ESRRB: variants seen among roughly 807,000 people sequenced by gnomAD.
ESRRB encodes the protein steroid hormone receptor ERR2.
ESRRB carries 16 observed loss-of-function variants against 46.0 expected under a neutral mutation model. That is an observed-to-expected ratio of 0.35 (90% CI 0.24 to 0.53). The LOEUF is 0.53. Among genes scored for constraint, ESRRB ranks in the 20% least tolerant of loss-of-function variants. The probability of loss-of-function intolerance (pLI) is 0.93; values close to 1 mark genes in which losing one functional copy is unlikely to be tolerated. For synonymous variants in ESRRB, 246 were observed against 259.6 expected (o/e 0.95, Z 0.50); for missense variants, 488 against 607.4 (o/e 0.80, Z 2.07).
Position 76,457,313 on chromosome 14 carries a change from G to A in ESRRB, c.461-5232G>A, listed in dbSNP as rs554490516. On this transcript the variant is annotated intron_variant, in intron 2 of 6. Coordinates refer to ENST00000644823, the MANE Select transcript of ESRRB (RefSeq NM_001379180.1). ...AATATCACAGTTGGTGGCTAGCCTC[G>A]GATCCAACACCTAGAAAAGACTTAT... Among the ~76,000 whole-genome samples, 20 of 152,182 alleles carry A rather than the reference G, an allele frequency of 1.3e-4. No individual in the cohort carries two copies. The East Asian group carries it at 3.5e-3, about 26-fold the overall frequency.
chr14:76,389,447 G>A (rs910961725), intron 1 of ESRRB, among the ~76,000 whole-genome samples: 3 of 152,218 alleles, frequency 2.0e-5, no homozygotes, highest in Non-Finnish European at 4.4e-5. Flanking sequence ...CTAACCTGAG[G>A]GGATTGGAAG....
intron 1 of ESRRB, among the ~76,000 whole-genome samples, chr14:76,323,978 G>A (rs1400340294): frequency 7.9e-5 from 12 of 152,162 alleles, no homozygotes; most frequent in Admixed American, 7.9e-4. Context: ...CCTTGTTCTT[G>A]GGTTCCATTG....
At chr14:76,489,479 A>ACACACC (rs1414646049) in intron 5 of ESRRB, among the ~76,000 whole-genome samples, 1 of 150,016 alleles carries the variant, frequency 6.7e-6, no homozygotes, top group Non-Finnish European at 1.5e-5. Flanking sequence ...ACACACACAC[A>ACACACC]CCCTGATCCC....
chr14:76,481,300 G>C (rs777298735), intron 3 of ESRRB, among the ~76,000 whole-genome samples: 3 of 152,216 alleles, frequency 2.0e-5, no homozygotes, highest in Non-Finnish European at 4.4e-5. Flanking sequence ...GGTGAGGCAG[G>C]CTTCCGGAAG....
At chr14:76,413,900 C>T (rs1478699981) in intron 1 of ESRRB, among the ~76,000 whole-genome samples, 2 of 117,144 alleles carry the variant, frequency 1.7e-5, no homozygotes, top group Non-Finnish European at 3.7e-5. Flanking sequence ...GCACCGTCCC[C>T]TGCCCCTGCA....
At chr14:76,354,398 G>C (rs149121131) in intron 1 of ESRRB, among the ~76,000 whole-genome samples, 2 of 151,998 alleles carry the variant, frequency 1.3e-5, no homozygotes, top group South Asian at 4.2e-4. Context: ...GTGCTCCTGC[G>C]ATGAAGCCAG....
intron 3 of ESRRB, among the ~76,000 whole-genome samples, chr14:76,471,480 C>T (rs749570404): frequency 1.3e-5 from 2 of 152,204 alleles, no homozygotes; most frequent in Admixed American, 1.3e-4. Flanking sequence ...TCAGTATCAT[C>T]TCATACCATT....
chr14:76,445,095 C>T (rs1486686396), intron 2 of ESRRB, among the ~76,000 whole-genome samples: 1 of 151,172 alleles, frequency 6.6e-6, no homozygotes. Context: ...TTGCTTGAGC[C>T]CAGGAGTTTG....
intron 6 of ESRRB, among the ~76,000 whole-genome samples, chr14:76,495,771 A>C (rs1332241322): frequency 6.6e-6 from 1 of 152,216 alleles, no homozygotes; most frequent in East Asian, 1.9e-4. Context: ...AATGAAATTA[A>C]AAACCAGATG....
intron 1 of ESRRB, among the ~76,000 whole-genome samples, chr14:76,316,549 A>G (rs1379056169): frequency 6.6e-6 from 1 of 152,164 alleles, no homozygotes; most frequent in Non-Finnish European, 1.5e-5. Context: ...TGTTCAGTAA[A>G]CACATGCAGA....
intron 1 of ESRRB, among the ~76,000 whole-genome samples, chr14:76,408,069 C>T (rs1168557990): frequency 6.6e-6 from 1 of 152,134 alleles, no homozygotes; most frequent in Non-Finnish European, 1.5e-5. Context: ...ACCTGCAGTA[C>T]AGTCTCGGGG....
intron 2 of ESRRB, among the ~76,000 whole-genome samples, chr14:76,440,553 CTTCA>C (rs1243696377): frequency 2.0e-5 from 3 of 151,674 alleles, no homozygotes; most frequent in African/African-American, 7.3e-5. Context: ...ACCGACCTTC[CTTCA>C]TTCCTTCCTT....
intron 3 of ESRRB, among the ~76,000 whole-genome samples, chr14:76,466,369 G>A (rs766230171): frequency 1.2e-4 from 19 of 152,052 alleles, no homozygotes; most frequent in Non-Finnish European, 1.9e-4. Context: ...CAGTTTGGGG[G>A]CCCAGCAACA....
chr14:76,455,451 G>A lies in ESRRB; in HGVS notation c.461-7094G>A, dbSNP rs554155850. On this transcript the variant is annotated intron_variant, in intron 2 of 6. Coordinates refer to ENST00000644823, the MANE Select transcript of ESRRB (RefSeq NM_001379180.1). ...ACAACCCATCCCAACACACACACAC[G>A]ATCATCCCGCTGTCCCAATATGGTA... Among the ~76,000 whole-genome samples, 4 of 151,454 alleles carry A rather than the reference G, an allele frequency of 2.6e-5. No individual in the cohort carries two copies. In the South Asian group the frequency reaches 6.3e-4, roughly 24 times the overall value.
At chr14:76,363,466 T>C (rs1487594363) in intron 1 of ESRRB, among the ~76,000 whole-genome samples, 1 of 152,206 alleles carries the variant, frequency 6.6e-6, no homozygotes, top group Non-Finnish European at 1.5e-5. Flanking sequence ...ATCTTCTCCA[T>C]GTCATAGAAA....
intron 1 of ESRRB, among the ~76,000 whole-genome samples, chr14:76,346,524 C>A (rs1033462693): frequency 6.6e-6 from 1 of 152,206 alleles, no homozygotes; most frequent in East Asian, 1.9e-4. Flanking sequence ...GGAGGGACTC[C>A]CCTGGGGCTA....
intron 1 of ESRRB, among the ~76,000 whole-genome samples, chr14:76,331,095 G>T (rs72729699): frequency 0.065 from 9,950 of 152,176 alleles, 466 homozygotes; most frequent in Admixed American, 0.089. Context: ...TGGCCAAAGA[G>T]GAAGGGATCG....
chr14:76,470,863 A>AT (rs906072395), intron 3 of ESRRB, among the ~76,000 whole-genome samples: 3 of 151,900 alleles, frequency 2.0e-5, no homozygotes, highest in Non-Finnish European at 4.4e-5. Flanking sequence ...AATTTAAAAA[A>AT]TTTTTTTTGT....
intron 1 of ESRRB, among the ~76,000 whole-genome samples, chr14:76,317,227 A>G (rs1485372279): frequency 6.6e-6 from 1 of 151,950 alleles, no homozygotes; most frequent in Non-Finnish European, 1.5e-5. Flanking sequence ...CTTGGGGACA[A>G]GTGGCTGGCT....
Sources: allele counts gnomAD v4.1 joint callset (sites outside exome capture counted in the v4.1 genomes callset), GRCh38; gene constraint gnomAD v4.1.1; transcripts MANE v1.5; gene names NCBI Gene and HGNC (gene_info 2026-07-23, HGNC 2026-07-21).